Variants in WRN observed in about 807,000 individuals in gnomAD.
WRN encodes bifunctional 3'-5' exonuclease/ATP-dependent helicase WRN.
WRN carries 149 observed loss-of-function variants against 180.7 expected under a neutral mutation model. The observed-to-expected ratio is 0.82, with a 90% CI of 0.72 to 0.94. WRN has a LOEUF of 0.94. WRN is among the 40% of genes least tolerant of loss of function. The pLI, the probability that WRN is intolerant of heterozygous loss-of-function variation, is 0.00. For synonymous variants in WRN, 548 were observed against 568.9 expected, an observed-to-expected ratio of 0.96 and a Z score of 0.52; for missense variants, 1,661 against 1,700.1, an observed-to-expected ratio of 0.98 and a Z score of 0.40.
intron 23 of WRN, among the ~76,000 whole-genome samples, chr8:31,130,004 C>CAAAAAAAAA (rs374855114): frequency 9.0e-5 from 7 of 78,052 alleles, no homozygotes; most frequent in African/African-American, 2.9e-4. Context: ...ACTCTTGTCT[C>CAAAAAAAAA]AAAAAAAAAA....
At chr8:31,056,373 T>C (rs1431423104) in intron 1 of WRN, among the ~76,000 whole-genome samples, 1 of 152,216 alleles carries the variant, frequency 6.6e-6, no homozygotes, top group Non-Finnish European at 1.5e-5. Context: ...CTGTCAAGGA[T>C]TTTGAATTTG....
At chr8:31,126,386 T>C (rs1801933757) in intron 23 of WRN, among the ~76,000 whole-genome samples, 1 of 152,128 alleles carries the variant, frequency 6.6e-6, no homozygotes, top group African/African-American at 2.4e-5. Context: ...AACACACTTA[T>C]AAATAAATCC....
At chr8:31,096,887 G>C in intron 17 of WRN, 37 bp downstream of exon 17, 1 of 1,557,300 alleles carries the variant, frequency 6.4e-7, no homozygotes, top group Non-Finnish European at 8.9e-7. Context: ...AATACTTACT[G>C]AGTTAATATT....
chr8:31,084,560 T>C (rs1813450830), intron 10 of WRN, among the ~76,000 whole-genome samples: 1 of 152,116 alleles, frequency 6.6e-6, no homozygotes, highest in Admixed American at 6.5e-5. Flanking sequence ...TTTCTATGGA[T>C]TTTTGTGGGG....
At chr8:31,087,413 A>T (rs1674584721) in intron 11 of WRN, among the ~76,000 whole-genome samples, 1 of 152,228 alleles carries the variant, frequency 6.6e-6, no homozygotes, top group African/African-American at 2.4e-5. Context: ...TTGTTCCAAA[A>T]ATAACATTAA....
chr8:31,142,672 G>T lies in WRN; in HGVS notation c.3280G>T (p.Val1094Leu). 6.2e-7 allele frequency: 1 copy of T among 1,605,138 alleles called. No individual in the cohort carries two copies. Among genetic ancestry groups the T allele is most frequent in the East Asian group, 2.2e-5 (1 of 44,534 alleles). The change falls in exon 27 of 35, where the codon GTA becomes TTA. Residue 1094 changes from valine to leucine, a missense_variant. Physicochemically the swap from Val to Leu is conservative, Grantham distance 32. Transcript: ENST00000298139. ...CACCAAAGAGCATTGTTATAATCAA[G>T]TACCAGTTGAATTAAGTACAGAGAA... is the stretch of plus-strand genomic sequence containing the variant. ...SGTKEHCYNQ[V>L]PVELSTEKKS...
chr8:31,037,281 A>C (rs142455632), intron 1 of WRN, among the ~76,000 whole-genome samples: 1 of 152,218 alleles, frequency 6.6e-6, no homozygotes, highest in Non-Finnish European at 1.5e-5. Flanking sequence ...ATGAGAATCT[A>C]ATGCCACCGT....
intron 1 of WRN, among the ~76,000 whole-genome samples, chr8:31,047,463 A>C (rs928849450): frequency 5.3e-5 from 8 of 152,160 alleles, no homozygotes; most frequent in African/African-American, 1.9e-4. Context: ...GCAGCAAGAG[A>C]AATTGGATTA....
In WRN at chr8:31,100,878, C is replaced by T. The variant is rs2130229162; in HGVS notation, c.2011C>T (p.His671Tyr). 1 of 1,613,822 alleles carries T rather than the reference C, an allele frequency of 6.2e-7. No homozygotes were observed. The highest frequency in any genetic ancestry group is 8.5e-7 in the Non-Finnish European group (1 of 1,179,958). ...GITLIAVDEA[H>Y]CISEWGHDFR... is the part of the protein sequence containing the mutation. ...CACGCTCATTGCTGTGGATGAGGCT[C>T]ACTGTATTTCTGAGTGGGGGCATGA... Residue 671 changes from histidine (H) to tyrosine (Y), a missense_variant, in exon 18 of 35, where the codon CAC becomes TAC. This residue lies in a region of WRN where 1,141 missense variants were observed against 1,149.4 expected (regional missense o/e 0.99). Coordinates refer to ENST00000298139, the MANE Select transcript of WRN (RefSeq NM_000553.6).
intron 23 of WRN, among the ~76,000 whole-genome samples, chr8:31,129,772 C>T (rs190489301): frequency 6.6e-5 from 10 of 151,828 alleles, no homozygotes; most frequent in South Asian, 2.1e-4. Flanking sequence ...TTTGGGAGGC[C>T]GAGGCTGGGG....
At chr8:31,154,797 C>T in intron 32 of WRN, 42 bp downstream of exon 32, 1 of 1,610,602 alleles carries the variant, frequency 6.2e-7, no homozygotes, top group Non-Finnish European at 8.5e-7. Context: ...TTTTAGTTTA[C>T]TTAAACTTGT....
chr8:31,104,764 T>G (rs1269339672), intron 18 of WRN, among the ~76,000 whole-genome samples: 2 of 152,232 alleles, frequency 1.3e-5, no homozygotes, highest in Non-Finnish European at 2.9e-5. Context: ...GTCCTTCCCC[T>G]GTTAAATTGC....
chr8:31,048,974 A>C (rs1002263427), intron 1 of WRN, among the ~76,000 whole-genome samples: 1 of 152,000 alleles, frequency 6.6e-6, no homozygotes, highest in Non-Finnish European at 1.5e-5. Context: ...AACCTCCTAA[A>C]TATAGTTTCT....
At chr8:31,055,883 C>A (rs1812253877) in intron 1 of WRN, among the ~76,000 whole-genome samples, 1 of 152,274 alleles carries the variant, frequency 6.6e-6, no homozygotes, top group African/African-American at 2.4e-5. Context: ...GAATTACAAT[C>A]CTCACGTATG....
At chr8:31,087,238 C>T (rs894509120) in intron 11 of WRN, among the ~76,000 whole-genome samples, 3 of 152,094 alleles carry the variant, frequency 2.0e-5, no homozygotes, top group Non-Finnish European at 4.4e-5. Flanking sequence ...CAGATACTGT[C>T]AAGCCAAAAT....
At chr8:31,076,525 G>A (rs1319185785) in intron 8 of WRN, among the ~76,000 whole-genome samples, 1 of 151,998 alleles carries the variant, frequency 6.6e-6, no homozygotes, top group Non-Finnish European at 1.5e-5. Flanking sequence ...CAAAGGAATA[G>A]AAATTGTATT....
chr8:31,073,684 G>A (rs1812994357), intron 7 of WRN, among the ~76,000 whole-genome samples: 1 of 152,108 alleles, frequency 6.6e-6, no homozygotes, highest in Non-Finnish European at 1.5e-5. Flanking sequence ...GACCTCAAGG[G>A]CACACCAGCA....
At position 31,141,447 on chromosome 8, in the gene WRN, C is replaced by T. The variant is rs150095039; in HGVS notation, c.2985C>T (p.Ala995=). ...FLRGSNSQRL[A]DQYRRHSLFG... is the part of the protein sequence containing the mutation. ...AATTTCAGAATTCTCAGCGTCTTGC[C>T]GATCAATATCGCAGGCACAGTTTAT... Residue 995 remains alanine (A), a synonymous_variant, in exon 25 of 35, where the codon GCC becomes GCT. Transcript: ENST00000298139. 39 of 1,613,880 alleles carry T rather than the reference C, an allele frequency of 2.4e-5. No homozygotes were observed. Among genetic ancestry groups the T allele is most frequent in the Middle Eastern group, 1.6e-4 (1 of 6,084 alleles).
At chr8:31,044,370 A>T (rs1315689679) in intron 1 of WRN, among the ~76,000 whole-genome samples, 16 of 37,312 alleles carry the variant, frequency 4.3e-4, no homozygotes, top group East Asian at 1.1e-3. Flanking sequence ...TTTTTTTGAG[A>T]CGTTGAGATA....
Sources: gnomAD v4.1 joint callset for allele counts (sites outside exome capture counted in the v4.1 genomes callset) on GRCh38, gnomAD v4.1.1 for gene constraint, gnomAD v4.1.1 regional missense constraint, MANE v1.5 for transcripts, NCBI Gene and HGNC (gene_info 2026-07-23, HGNC 2026-07-21) for gene names.